ACACA: variants seen among roughly 807,000 people sequenced by gnomAD.
ACACA encodes the protein acetyl-CoA carboxylase alpha, also known as acetyl-CoA carboxylase 1.
Under a neutral mutation model 296.1 loss-of-function variants are expected in ACACA, and 103 were observed. That is an observed-to-expected ratio of 0.35 (90% CI 0.30 to 0.41). The LOEUF is 0.41. Ranked by LOEUF, ACACA falls within the 10% of genes least tolerant of loss-of-function variation. The pLI, the probability that ACACA is intolerant of heterozygous loss-of-function variation, is 1.00. For synonymous variants in ACACA, 953 were observed against 1,038.6 expected (o/e 0.92, Z 1.58); for missense variants, 1,554 against 2,989.7 (o/e 0.52, Z 11.20).
At position 37,260,263 on chromosome 17, in the gene ACACA, TATATATATATATATATATATATATATATA is replaced by T. The variant is rs2081395066; in HGVS notation, c.1330-762_1330-734del. ...AACTCCCAAGTCATATATATATATA[TATATATATATATATATATATATATATATA>T]TATATTTTTTTTTTTTTTTTTTTTG... is the stretch of plus-strand genomic sequence containing the variant. On this transcript the variant is annotated intron_variant, in intron 11 of 55. Coordinates refer to ENST00000616317, the MANE Select transcript of ACACA (RefSeq NM_198834.3). 2.4e-3 allele frequency among the ~76,000 whole-genome samples: 40 copies of T among 16,908 alleles called. 2 individuals are homozygous for T. The South Asian group carries it at 0.082, about 35-fold the overall frequency. 11.1% of individuals were successfully genotyped at this position (16,908 alleles called of 152,430 possible). A position where few individuals can be genotyped will look rare whatever the true frequency, so the allele number is the denominator to read the frequency against.
intron 45 of ACACA, chr17:37,141,366 C>G: frequency 5.4e-6 from 2 of 368,474 alleles, no homozygotes; most frequent in Non-Finnish European, 1.1e-5. Flanking sequence ...ATGGTCCCAG[C>G]CCTGGATGCC....
In ACACA at chr17:37,373,548, G is replaced by A. The variant is rs960944088; in HGVS notation, c.38+32714C>T. 6.0e-5 allele frequency among the ~76,000 whole-genome samples: 9 copies of A among 148,992 alleles called. No homozygotes were observed. In the South Asian group the frequency reaches 6.4e-4, roughly 11 times the overall value. ...GGTGTGAACTACCGTGCCTGGCCCA[G>A]GCTGACTTTAGAGTCTTTAAGTTAC... On this transcript the variant is annotated intron_variant, in intron 1 of 55. Coordinates refer to ENST00000616317, the MANE Select transcript of ACACA (RefSeq NM_198834.3).
chr17:37,133,340 C>T (rs551115840), intron 45 of ACACA, among the ~76,000 whole-genome samples: 2 of 152,306 alleles, frequency 1.3e-5, no homozygotes, highest in Non-Finnish European at 2.9e-5. Context: ...AGAATGAGGG[C>T]GCACACAATA....
Position 37,270,776 on chromosome 17 carries a change from T to C in ACACA, c.1094A>G (p.Asp365Gly). 2.5e-6 allele frequency: 4 copies of C among 1,613,628 alleles called. No individual in the cohort carries two copies. Among genetic ancestry groups the C allele is most frequent in the Non-Finnish European group, 3.4e-6 (4 of 1,179,586 alleles). ...CTGTCTGAAGAGATTAGGGAAGTCA[T>C]CTGCATTGTTGACTTTTCTAATTCC... ...GKGIRKVNNA[D>G]DFPNLFRQVQ... The change falls in exon 10 of 56, where the codon GAT (aspartate) becomes GGT (glycine). Residue 365 changes from aspartate to glycine, a missense_variant. Asp to Gly is a moderately conservative substitution (Grantham distance 94, BLOSUM62 -1). Coordinates refer to ENST00000616317, the MANE Select transcript of ACACA (RefSeq NM_198834.3).
chr17:37,297,142 T>A (rs2083378654), intron 3 of ACACA, among the ~76,000 whole-genome samples: 1 of 151,840 alleles, frequency 6.6e-6, no homozygotes, highest in African/African-American at 2.4e-5. Flanking sequence ...AACTATGTTA[T>A]ATATAAAACA....
chr17:37,157,531 C>CTTTTTTTTTTT (rs397687787), intron 42 of ACACA, among the ~76,000 whole-genome samples: 3 of 90,486 alleles, frequency 3.3e-5, no homozygotes, highest in South Asian at 4.4e-4. Context: ...ATCATTCTAT[C>CTTTTTTTTTTT]TTTTTTTTTT....
At chr17:37,295,824 C>T (rs1166805155) in intron 3 of ACACA, among the ~76,000 whole-genome samples, 1 of 152,024 alleles carries the variant, frequency 6.6e-6, no homozygotes, top group East Asian at 1.9e-4. Flanking sequence ...ACTCGGGAGG[C>T]TGAGGCATGA....
In ACACA at chr17:37,121,410, T is replaced by C. The variant is rs527936784; in HGVS notation, c.6219A>G (p.Glu2073=). The change falls in exon 50 of 56, where the codon GAA becomes GAG. Residue 2073 remains glutamate, a synonymous_variant. Transcript: ENST00000616317. The stretch of plus-strand genomic sequence containing the variant: ...TGGCAAAGACCATCAGAGGCAGCCC[T>C]TCCCGGTTGAAGTCCTTGATGGCCT... ...TYQAIKDFNR[E]GLPLMVFANW... 20 of 1,614,166 alleles carry C rather than the reference T, an allele frequency of 1.2e-5. No individual in the cohort carries two copies. The African/African-American group carries it at 2.7e-4, about 22-fold the overall frequency.
intron 55 of ACACA, among the ~76,000 whole-genome samples, chr17:37,087,665 C>G (rs892845902): frequency 6.6e-6 from 1 of 151,998 alleles, no homozygotes; most frequent in African/African-American, 2.4e-5. Flanking sequence ...AAAACAAAAC[C>G]CAAAAAAAAC....
chr17:37,377,991 A>C (rs781272610), intron 1 of ACACA: 1 of 1,604,048 alleles, frequency 6.2e-7, no homozygotes, highest in Non-Finnish European at 8.5e-7. Flanking sequence ...TTTCTGGAAA[A>C]TGATATTGCC....
chr17:37,261,260 G>A (rs571052186), intron 11 of ACACA, among the ~76,000 whole-genome samples: 9 of 152,106 alleles, frequency 5.9e-5, no homozygotes, highest in East Asian at 3.8e-4. Context: ...AAGATCAAAC[G>A]TGCTGCTTTA....
intron 8 of ACACA, among the ~76,000 whole-genome samples, chr17:37,275,039 T>C (rs568434123): frequency 6.6e-6 from 1 of 152,314 alleles, no homozygotes; most frequent in East Asian, 1.9e-4. Flanking sequence ...TGGAACTGTT[T>C]AAGGGATGTG....
intron 41 of ACACA, among the ~76,000 whole-genome samples, chr17:37,170,520 C>A (rs2076843255): frequency 6.6e-6 from 1 of 152,096 alleles, no homozygotes; most frequent in Non-Finnish European, 1.5e-5. Flanking sequence ...CAGAGGTGAT[C>A]ATTATTTCTG....
At chr17:37,122,678 T>C (rs2074585156) in intron 48 of ACACA, 51 bp from the exon 49 acceptor site, 3 of 1,480,816 alleles carry the variant, frequency 2.0e-6, no homozygotes, top group Non-Finnish European at 2.8e-6. Flanking sequence ...ACATTATAGC[T>C]AGCCATTTGT....
intron 1 of ACACA, among the ~76,000 whole-genome samples, chr17:37,354,283 A>G (rs1314709720): frequency 3.3e-5 from 5 of 152,346 alleles, no homozygotes; most frequent in African/African-American, 1.2e-4. Flanking sequence ...CTAAGTCTCA[A>G]CATCATCGAA....
chr17:37,179,762 T>C (rs1162846749), intron 40 of ACACA, among the ~76,000 whole-genome samples: 2 of 151,954 alleles, frequency 1.3e-5, no homozygotes, highest in Admixed American at 6.5e-5. Flanking sequence ...CTAAAGAAAC[T>C]TGACAACAAA....
chr17:37,359,648 A>G (rs1328322796), intron 1 of ACACA, among the ~76,000 whole-genome samples: 1 of 152,114 alleles, frequency 6.6e-6, no homozygotes, highest in African/African-American at 2.4e-5. Flanking sequence ...CCCAGAATTA[A>G]GGCGGGCTAG....
rs183582452 is a variant in ACACA, at chr17:37,252,659, G to T, written c.1977+227C>A. 3.0e-4 allele frequency among the ~76,000 whole-genome samples: 46 copies of T among 152,298 alleles called. 1 individual carries two copies. The highest frequency in any genetic ancestry group is 6.8e-3 in the Middle Eastern group (2 of 294). On this transcript the variant is annotated intron_variant, in intron 15 of 55. Coordinates refer to ENST00000616317, the MANE Select transcript of ACACA (RefSeq NM_198834.3). The stretch of plus-strand genomic sequence containing the variant: ...AAAGAAAGTAATTAAATCCCTGCAT[G>T]CCTCACTTCAAATATACCTCAGGAA...
intron 19 of ACACA, 86 bp downstream of exon 19, chr17:37,246,740 T>C: frequency 1.3e-6 from 2 of 1,552,204 alleles, no homozygotes; most frequent in Non-Finnish European, 1.8e-6. Flanking sequence ...GCCTCCTTTC[T>C]GTAACTTTTC....
Sources: allele counts gnomAD v4.1 joint callset (sites outside exome capture counted in the v4.1 genomes callset), GRCh38; gene constraint gnomAD v4.1.1; transcripts MANE v1.5; gene names NCBI Gene and HGNC (gene_info 2026-07-23, HGNC 2026-07-21).